The following AFF3 variants were observed in gnomAD, a reference collection of about 807,000 sequenced individuals.
AFF3 encodes AF4/FMR2 family member 3.
In AFF3, 32 loss-of-function variants were observed where a neutral mutation model predicts 129.7. The observed-to-expected ratio is 0.25, with a 90% CI of 0.19 to 0.33. The LOEUF (loss-of-function observed/expected upper bound fraction) is 0.33. Ranked by LOEUF, AFF3 falls within the 10% of genes least tolerant of loss-of-function variation. The pLI, the probability that AFF3 is intolerant of heterozygous loss-of-function variation, is 1.00. For missense variants in AFF3, 1,373 were observed against 1,592.0 expected, an observed-to-expected ratio of 0.86 and a Z score of 2.34; for synonymous variants, 644 against 635.4, an observed-to-expected ratio of 1.01 and a Z score of -0.20.
intron 13 of AFF3, among the ~76,000 whole-genome samples, chr2:99,607,342 C>T (rs1680469801): frequency 6.6e-6 from 1 of 151,920 alleles, no homozygotes; most frequent in South Asian, 2.1e-4. Context: ...ACCAGCCCGG[C>T]CAACATAGTA....
intron 8 of AFF3, among the ~76,000 whole-genome samples, chr2:99,780,060 A>C (rs1481527327): frequency 6.6e-6 from 1 of 152,244 alleles, no homozygotes; most frequent in Non-Finnish European, 1.5e-5. Context: ...ATGTGTTCAT[A>C]ATCCTTTTCT....
intron 7 of AFF3, among the ~76,000 whole-genome samples, chr2:99,962,738 T>C (rs1383933820): frequency 1.3e-5 from 2 of 151,754 alleles, no homozygotes; most frequent in African/African-American, 4.8e-5. Flanking sequence ...TACATCTCAT[T>C]TGTCTTTTCC....
intron 11 of AFF3, among the ~76,000 whole-genome samples, chr2:99,701,400 C>T (rs971052069): frequency 6.6e-6 from 1 of 152,208 alleles, no homozygotes; most frequent in Non-Finnish European, 1.5e-5. Context: ...GTATTCTCAT[C>T]AGGTATGCTG....
chr2:99,859,348 C>T lies in AFF3; in HGVS notation c.874-21824G>A, dbSNP rs895655610. On this transcript the variant is annotated intron_variant, in intron 7 of 24. Transcript: ENST00000672756. ...TTGAGAGTGGTCTGGGAACCACCGGCGGCACAAGCATTTAGAACTGCTGTT... is the reference window on the plus strand; with the variant it reads ...TTGAGAGTGGTCTGGGAACCACCGGTGGCACAAGCATTTAGAACTGCTGTT... Among the ~76,000 whole-genome samples the T allele has an allele frequency of 3.9e-4, 59 of 152,154 alleles. 1 individual carries two copies. The highest frequency in any genetic ancestry group is 1.4e-3 in the African/African-American group (56 of 41,438).
At chr2:99,786,371 C>A (rs188872276) in intron 8 of AFF3, among the ~76,000 whole-genome samples, 4 of 152,052 alleles carry the variant, frequency 2.6e-5, no homozygotes, top group African/African-American at 7.3e-5. Flanking sequence ...AGTGTACATC[C>A]GTTAATGTCA....
At chr2:99,813,195 C>T (rs577965896) in intron 8 of AFF3, among the ~76,000 whole-genome samples, 6 of 152,230 alleles carry the variant, frequency 3.9e-5, no homozygotes, top group African/African-American at 7.2e-5. Flanking sequence ...GGAGGGACGT[C>T]GAGCAGGGGA....
intron 18 of AFF3, among the ~76,000 whole-genome samples, chr2:99,571,876 AG>A (rs1676505052): frequency 6.6e-6 from 1 of 152,248 alleles, no homozygotes. Context: ...ACAAGTCAGT[AG>A]GAAAAGTAAA....
intron 13 of AFF3, among the ~76,000 whole-genome samples, chr2:99,604,583 A>G (rs764112043): frequency 3.9e-5 from 6 of 152,204 alleles, no homozygotes; most frequent in Non-Finnish European, 5.9e-5. Flanking sequence ...ACACACGTTT[A>G]CCTATGGAAC....
At chr2:100,026,059 T>C (rs534441427) in intron 4 of AFF3, among the ~76,000 whole-genome samples, 61 of 152,264 alleles carry the variant, frequency 4.0e-4, no homozygotes, top group Admixed American at 1.0e-3. Context: ...GGGACTTAAT[T>C]AAACTAAAGA....
chr2:100,088,526 T>C (rs1458451848), intron 4 of AFF3, among the ~76,000 whole-genome samples: 1 of 149,872 alleles, frequency 6.7e-6, no homozygotes, highest in African/African-American at 2.5e-5. Context: ...AAACATTTCC[T>C]GGCAGATGCA....
Position 100,006,939 on chromosome 2 carries a change from A to G in AFF3, c.566T>C (p.Val189Ala). Residue 189 changes from valine to alanine, a missense_variant, in exon 7 of 25, where the codon GTG becomes GCG. By Grantham distance (64) the Val-to-Ala change is moderately conservative (BLOSUM62 0). This residue lies in a region of AFF3 where 255 missense variants were observed against 256.0 expected (regional missense o/e 1.00). Coordinates refer to ENST00000672756, the MANE Select transcript of AFF3 (RefSeq NM_001386135.1). ...QQPRAKQVCN[V>A]EVGLQTQERP... ...CTCCTGGGTCTGAAGGCCCACCTCC[A>G]CATTGCACACTTGTTTGGCCCGAGG... The G allele has an allele frequency of 6.2e-7, 1 of 1,614,180 alleles. No homozygotes were observed.
chr2:99,600,552 A>G (rs969796264), intron 14 of AFF3, among the ~76,000 whole-genome samples: 2 of 152,166 alleles, frequency 1.3e-5, no homozygotes, highest in African/African-American at 4.8e-5. Context: ...TTCAGAGCCT[A>G]TTTAGGAATA....
chr2:100,096,225 C>G (rs1191152130), intron 4 of AFF3, among the ~76,000 whole-genome samples: 2 of 152,066 alleles, frequency 1.3e-5, no homozygotes, highest in African/African-American at 4.8e-5. Flanking sequence ...CAGTTACTCT[C>G]AGCATTCGAG....
At chr2:100,112,729 T>TA (rs1691563342) in intron 2 of AFF3, among the ~76,000 whole-genome samples, 1 of 151,420 alleles carries the variant, frequency 6.6e-6, no homozygotes, top group African/African-American at 2.4e-5. Context: ...CAATGGGAGG[T>TA]AGAAAGCAGG....
At chr2:99,736,901 C>G (rs562424568) in intron 10 of AFF3, among the ~76,000 whole-genome samples, 1 of 152,170 alleles carries the variant, frequency 6.6e-6, no homozygotes, top group Non-Finnish European at 1.5e-5. Flanking sequence ...TGAGCCACCA[C>G]GCCCGGCCTT....
rs748791078 is a variant in AFF3 at position 100,008,937 on chromosome 2, A to G, written c.54-5T>C. 3 of 1,613,550 alleles carry G rather than the reference A, an allele frequency of 1.9e-6. No individual in the cohort carries two copies. Among genetic ancestry groups the G allele is most frequent in the Non-Finnish European group, 2.5e-6 (3 of 1,179,772 alleles). On this transcript the variant is annotated splice_region_variant and splice_polypyrimidine_tract_variant and intron_variant, in intron 4 of 24. Transcript: ENST00000672756. ...TTTCTATCTGGTTCATAGACACTGC[A>G]TCAGGAAAAAGAAGAGAGAACAACC...
At chr2:99,739,195 T>C (rs905670108) in intron 10 of AFF3, among the ~76,000 whole-genome samples, 1 of 152,058 alleles carries the variant, frequency 6.6e-6, no homozygotes, top group Non-Finnish European at 1.5e-5. Context: ...TGGGGTCCAG[T>C]GGAAATGTGG....
chr2:100,017,558 C>T (rs545770275), intron 4 of AFF3, among the ~76,000 whole-genome samples: 2 of 152,160 alleles, frequency 1.3e-5, no homozygotes, highest in Non-Finnish European at 1.5e-5. Context: ...AAGGGAGTCA[C>T]AAAGTCACAA....
chr2:99,654,871 G>A (rs906732451), intron 12 of AFF3, among the ~76,000 whole-genome samples: 7 of 152,082 alleles, frequency 4.6e-5, no homozygotes, highest in Non-Finnish European at 8.8e-5. Flanking sequence ...TAGATATTCA[G>A]GTTTCAATGT....
Sources: allele counts gnomAD v4.1 joint callset (sites outside exome capture counted in the v4.1 genomes callset), GRCh38; gene constraint gnomAD v4.1.1; regional missense constraint gnomAD v4.1.1; transcripts MANE v1.5; gene names NCBI Gene and HGNC (gene_info 2026-07-23, HGNC 2026-07-21).